Variants in RNF130 observed in about 807,000 individuals in gnomAD.
RNF130 encodes the protein ring finger protein 130, also known as E3 ubiquitin-protein ligase RNF130.
Under a neutral mutation model 44.6 loss-of-function variants are expected in RNF130, and 21 were observed. The ratio of observed to expected loss-of-function variants is 0.47; its 90% CI spans 0.33 to 0.68. RNF130 has a LOEUF of 0.68. Among genes scored for constraint, RNF130 ranks in the 30% least tolerant of loss-of-function variants. The probability of loss-of-function intolerance (pLI) is 0.02; values close to 1 mark genes in which losing one functional copy is unlikely to be tolerated. For missense variants in RNF130, 479 were observed against 560.6 expected (o/e 0.85, Z 1.47); for synonymous variants, 214 against 210.4 (o/e 1.02, Z -0.15).
chr5:179,974,490 C>T (rs11739898), intron 5 of RNF130, among the ~76,000 whole-genome samples: 26,919 of 152,120 alleles, frequency 0.18, 2,566 homozygotes, highest in Middle Eastern at 0.24. Context: ...GTAAATAGTG[C>T]GACAGAAGAG....
intron 2 of RNF130, among the ~76,000 whole-genome samples, chr5:180,016,270 G>C (rs1763728817): frequency 1.3e-5 from 2 of 151,998 alleles, no homozygotes; most frequent in Admixed American, 6.6e-5. Context: ...AGCCTGATAG[G>C]GCTCAAAGAC....
At chr5:179,956,413 G>C (rs1762212535) in intron 8 of RNF130, 1 of 152,436 alleles carries the variant, frequency 6.6e-6, no homozygotes, top group African/African-American at 2.4e-5. Flanking sequence ...ACCCTGACTT[G>C]CTCCTTCAAC....
At chr5:179,999,759 T>C (rs988677672) in intron 3 of RNF130, among the ~76,000 whole-genome samples, 1 of 152,218 alleles carries the variant, frequency 6.6e-6, no homozygotes, top group Non-Finnish European at 1.5e-5. Context: ...GTGAGTTTCT[T>C]GTAGGTAGCA....
intron 7 of RNF130, among the ~76,000 whole-genome samples, chr5:179,965,583 C>A (rs1367862931): frequency 6.6e-6 from 1 of 152,124 alleles, no homozygotes; most frequent in South Asian, 2.1e-4. Flanking sequence ...CACTAATAAA[C>A]CAACAACCTT....
intron 3 of RNF130, among the ~76,000 whole-genome samples, chr5:179,991,143 T>C (rs1763073708): frequency 6.6e-6 from 1 of 152,208 alleles, no homozygotes; most frequent in African/African-American, 2.4e-5. Context: ...TTGTGTAGTG[T>C]ATCTTTCCCT....
intron 7 of RNF130, among the ~76,000 whole-genome samples, chr5:179,937,515 T>C (rs1761908812): frequency 6.6e-6 from 1 of 152,162 alleles, no homozygotes; most frequent in Non-Finnish European, 1.5e-5. Flanking sequence ...TTCACACTCA[T>C]TAGAAATGGC....
At chr5:179,966,075 G>A (rs994610273) in intron 7 of RNF130, among the ~76,000 whole-genome samples, 1 of 152,194 alleles carries the variant, frequency 6.6e-6, no homozygotes, top group Admixed American at 6.5e-5. Context: ...GCGAAGAGAA[G>A]AGCTGGCTTG....
chr5:180,055,071 G>C (rs1764775209), intron 1 of RNF130, among the ~76,000 whole-genome samples: 2 of 151,720 alleles, frequency 1.3e-5, no homozygotes, highest in African/African-American at 4.8e-5. Flanking sequence ...GGCCAGGAGT[G>C]GTGGCTCACA....
At chr5:180,044,942 GGGA>G (rs1240589478) in intron 1 of RNF130, among the ~76,000 whole-genome samples, 1 of 152,218 alleles carries the variant, frequency 6.6e-6, no homozygotes, top group African/African-American at 2.4e-5. Flanking sequence ...GACTGAAGGA[GGGA>G]GGAGGGCAGG....
chr5:180,038,380 C>T (rs544441242), intron 2 of RNF130, among the ~76,000 whole-genome samples: 3 of 136,958 alleles, frequency 2.2e-5, no homozygotes, highest in Admixed American at 8.0e-5. Context: ...GACCCTGTCT[C>T]GGGGAGGGGG....
At chr5:179,966,327 G>A (rs1426101312) in intron 7 of RNF130, among the ~76,000 whole-genome samples, 2 of 152,096 alleles carry the variant, frequency 1.3e-5, no homozygotes, top group Non-Finnish European at 2.9e-5. Context: ...CATAAAAAAT[G>A]TAAAATAAAG....
At chr5:179,952,323 T>C (rs1162413684), downstream of RNF130, among the ~76,000 whole-genome samples, 1 of 152,056 alleles carries the variant, frequency 6.6e-6, no homozygotes, top group Non-Finnish European at 1.5e-5. Flanking sequence ...GTCTCAACTA[T>C]AAATAAAAAA....
intron 7 of RNF130, among the ~76,000 whole-genome samples, chr5:179,931,832 C>T (rs1216305718): frequency 6.6e-6 from 1 of 152,058 alleles, no homozygotes; most frequent in Non-Finnish European, 1.5e-5. Flanking sequence ...ATTCAGGCCC[C>T]CCAGCACCCC....
chr5:180,017,157 A>G (rs1049341992), intron 2 of RNF130, among the ~76,000 whole-genome samples: 1 of 152,200 alleles, frequency 6.6e-6, no homozygotes, highest in Non-Finnish European at 1.5e-5. Flanking sequence ...ACCTTTTTAA[A>G]GAGTCCAATC....
chr5:180,015,128 C>A (rs906989003), intron 2 of RNF130, among the ~76,000 whole-genome samples: 1 of 152,136 alleles, frequency 6.6e-6, no homozygotes, highest in Non-Finnish European at 1.5e-5. Context: ...TAAAAATCTA[C>A]AAAAAACTAT....
At position 179,998,859 on chromosome 5, in the gene RNF130, T is replaced by TTATATATATA. The variant is rs61232613; in HGVS notation, c.693+14192_693+14201dup. Among the ~76,000 whole-genome samples, 98 of 88,732 alleles carry TTATATATATA rather than the reference T, an allele frequency of 1.1e-3. 3 individuals carry two copies. The highest frequency in any genetic ancestry group is 3.9e-3 in the African/African-American group (92 of 23,658). The allele number at this position is 88,732 out of a possible 152,430, so 58.2% of individuals were successfully genotyped here. Reference sequence around the variant, plus strand: ...TCTCTCTCTTTAGATCTAGTATTTTTTATATATATATATATATATATATAT... The same window carrying TTATATATATA: ...TCTCTCTCTTTAGATCTAGTATTTTTTATATATATATATATATATATATATATATATATAT... On this transcript the variant is annotated intron_variant, in intron 3 of 8. Coordinates refer to ENST00000521389, the MANE Select transcript of RNF130 (RefSeq NM_018434.6).
intron 1 of RNF130, among the ~76,000 whole-genome samples, chr5:180,064,102 A>T (rs1006463552): frequency 4.6e-5 from 7 of 152,192 alleles, no homozygotes; most frequent in Non-Finnish European, 1.0e-4. Flanking sequence ...CTATTATAAT[A>T]AATTATTTTA....
At chr5:180,001,480 T>G (rs1309084895) in intron 3 of RNF130, among the ~76,000 whole-genome samples, 1 of 152,192 alleles carries the variant, frequency 6.6e-6, no homozygotes, top group East Asian at 1.9e-4. Context: ...AGCTTGGACC[T>G]AAGAGTCTAC....
intron 1 of RNF130, among the ~76,000 whole-genome samples, chr5:180,062,693 ACTTT>A (rs1205503128): frequency 2.0e-5 from 3 of 152,206 alleles, no homozygotes; most frequent in Non-Finnish European, 4.4e-5. Flanking sequence ...GATGAAAAAG[ACTTT>A]CTAACATTGG....
Sources: gnomAD v4.1 joint callset for allele counts (sites outside exome capture counted in the v4.1 genomes callset) on GRCh38, gnomAD v4.1.1 for gene constraint, MANE v1.5 for transcripts, NCBI Gene and HGNC (gene_info 2026-07-23, HGNC 2026-07-21) for gene names.